Variants in RALGPS1 observed in about 807,000 individuals in gnomAD.
RALGPS1 encodes the protein ras-specific guanine nucleotide-releasing factor RalGPS1.
RALGPS1 carries 19 observed loss-of-function variants against 78.8 expected under a neutral mutation model. That is an observed-to-expected ratio of 0.24 (90% CI 0.17 to 0.35). The LOEUF (loss-of-function observed/expected upper bound fraction) is 0.35. Among genes scored for constraint, RALGPS1 ranks in the 10% least tolerant of loss-of-function variants. The probability of loss-of-function intolerance (pLI) is 1.00; values close to 1 mark genes in which losing one functional copy is unlikely to be tolerated. For missense variants in RALGPS1, 454 were observed against 688.3 expected, an observed-to-expected ratio of 0.66 and a Z score of 3.81; for synonymous variants, 228 against 256.3, an observed-to-expected ratio of 0.89 and a Z score of 1.06.
At chr9:126,925,557 GAAA>G (rs113554319) in intron 1 of RALGPS1, among the ~76,000 whole-genome samples, 3 of 146,722 alleles carry the variant, frequency 2.0e-5, no homozygotes, top group East Asian at 2.0e-4. Flanking sequence ...TCAAAAAAAA[GAAA>G]AAAAAAAAAT....
chr9:127,133,241 C>G (rs2057134240), intron 8 of RALGPS1, among the ~76,000 whole-genome samples: 1 of 152,220 alleles, frequency 6.6e-6, no homozygotes, highest in African/African-American at 2.4e-5. Context: ...GGCTGCCCTG[C>G]CCGGTGCCCC....
chr9:127,089,268 G>A (rs745652057), intron 8 of RALGPS1: 74 of 895,962 alleles, frequency 8.3e-5, no homozygotes, highest in Admixed American at 1.6e-4. Context: ...AGGTGGACCC[G>A]TCTCCATGGG....
chr9:127,125,680 C>T (rs543090897), intron 8 of RALGPS1, among the ~76,000 whole-genome samples: 4 of 152,320 alleles, frequency 2.6e-5, no homozygotes, highest in South Asian at 2.1e-4. Context: ...CCTGGATCTC[C>T]GTGTCCCCCT....
chr9:127,053,702 A>G (rs1194799799), intron 7 of RALGPS1, among the ~76,000 whole-genome samples: 1 of 152,224 alleles, frequency 6.6e-6, no homozygotes, highest in Non-Finnish European at 1.5e-5. Flanking sequence ...TCATTTCCGA[A>G]CTGCTTTCTG....
intron 3 of RALGPS1, among the ~76,000 whole-genome samples, chr9:126,967,898 G>A (rs1303610358): frequency 2.0e-5 from 3 of 152,070 alleles, no homozygotes; most frequent in Admixed American, 1.3e-4. Context: ...TTCTAAGGAC[G>A]GGAACTTATC....
At chr9:126,934,250 C>T (rs2036058487) in intron 1 of RALGPS1, among the ~76,000 whole-genome samples, 1 of 152,190 alleles carries the variant, frequency 6.6e-6, no homozygotes, top group Admixed American at 6.5e-5. Context: ...CTTTGAAAGA[C>T]AAGTCTTAAC....
rs145130938 is a variant in RALGPS1 at position 127,019,521 on chromosome 9, G to A, written c.217-14910G>A. Among the ~76,000 whole-genome samples, 6 of 152,112 alleles carry A rather than the reference G, an allele frequency of 3.9e-5. No homozygotes were observed. In the East Asian group the frequency reaches 9.6e-4, roughly 24 times the overall value. ...TTTTTGTATTTTTAGTAGAGACAGG[G>A]TTTCACCATGTTAGTCAGGATGGTC... On this transcript the variant is annotated intron_variant, in intron 4 of 18. Transcript: ENST00000259351.
intron 8 of RALGPS1, among the ~76,000 whole-genome samples, chr9:127,105,219 CAAA>C (rs1200096063): frequency 1.3e-5 from 2 of 152,214 alleles, no homozygotes; most frequent in African/African-American, 4.8e-5. Flanking sequence ...CCTTGCGTAA[CAAA>C]GAAGGATAAA....
chr9:127,214,076 G>A (rs2062438372), intron 17 of RALGPS1: 1 of 152,150 alleles, frequency 6.6e-6, no homozygotes, highest in East Asian at 1.9e-4. Flanking sequence ...TACCATTTGA[G>A]TTTCTTCCTC....
At chr9:127,004,299 C>A (rs1157763712) in intron 4 of RALGPS1, among the ~76,000 whole-genome samples, 4 of 152,200 alleles carry the variant, frequency 2.6e-5, no homozygotes, top group African/African-American at 9.7e-5. Context: ...GCACCCGCCA[C>A]CACACCCGGC....
At chr9:126,966,924 A>T (rs1460356321) in intron 3 of RALGPS1, among the ~76,000 whole-genome samples, 1 of 152,066 alleles carries the variant, frequency 6.6e-6, no homozygotes, top group Non-Finnish European at 1.5e-5. Context: ...GTAGAGGGAG[A>T]ATATTGATTC....
intron 8 of RALGPS1, among the ~76,000 whole-genome samples, chr9:127,129,479 G>C (rs2056859626): frequency 6.6e-6 from 1 of 152,150 alleles, no homozygotes; most frequent in African/African-American, 2.4e-5. Flanking sequence ...GGTACCTGCT[G>C]AAATTCCCAT....
chr9:127,102,587 T>G (rs1348581979), intron 8 of RALGPS1, among the ~76,000 whole-genome samples: 2 of 152,160 alleles, frequency 1.3e-5, no homozygotes, highest in African/African-American at 4.8e-5. Context: ...ACCCTGAGCA[T>G]TTAGCCAAGT....
At chr9:127,190,224 G>T (rs901227004) in intron 11 of RALGPS1, among the ~76,000 whole-genome samples, 1 of 152,170 alleles carries the variant, frequency 6.6e-6, no homozygotes, top group African/African-American at 2.4e-5. Flanking sequence ...CATATATACT[G>T]TTGTTTTGTG....
chr9:127,150,068 G>T (rs1396777251), intron 8 of RALGPS1, among the ~76,000 whole-genome samples: 1 of 152,218 alleles, frequency 6.6e-6, no homozygotes, highest in Non-Finnish European at 1.5e-5. Flanking sequence ...CCACACACTA[G>T]CTGTATGATC....
chr9:127,081,419 A>G (rs960645889), intron 8 of RALGPS1, among the ~76,000 whole-genome samples: 3 of 152,186 alleles, frequency 2.0e-5, no homozygotes, highest in African/African-American at 7.2e-5. Flanking sequence ...TGATGAGGAA[A>G]GGCTGCCTTG....
intron 4 of RALGPS1, among the ~76,000 whole-genome samples, chr9:127,002,481 A>G (rs2043425197): frequency 7.3e-6 from 1 of 136,320 alleles, no homozygotes; most frequent in Non-Finnish European, 1.5e-5. Context: ...GTTTTAGGGT[A>G]CATGTGCACA....
At chr9:127,178,476 A>T (rs900021924) in intron 11 of RALGPS1, 1 of 991,076 alleles carries the variant, frequency 1.0e-6, no homozygotes, top group Non-Finnish European at 1.2e-6. Context: ...CACACGTGTT[A>T]GGTGGAACTT....
At chr9:126,989,967 G>A in intron 4 of RALGPS1, 1 of 1,550,560 alleles carries the variant, frequency 6.4e-7, no homozygotes, top group Non-Finnish European at 8.7e-7. Flanking sequence ...ACACGTTGCA[G>A]TTCAGGAAAA....
Sources: gnomAD v4.1 joint callset for allele counts (sites outside exome capture counted in the v4.1 genomes callset) on GRCh38, gnomAD v4.1.1 for gene constraint, MANE v1.5 for transcripts, NCBI Gene and HGNC (gene_info 2026-07-23, HGNC 2026-07-21) for gene names.